Variants in USP34 observed in about 807,000 individuals in gnomAD.
USP34 encodes ubiquitin carboxyl-terminal hydrolase 34.
A neutral mutation model predicts 460.3 loss-of-function variants in USP34; 70 were observed. That is an observed-to-expected ratio of 0.15 (90% CI 0.13 to 0.19). The LOEUF is 0.19. Ranked by LOEUF, USP34 falls within the 10% of genes least tolerant of loss-of-function variation. The pLI is 1.00. For synonymous variants in USP34, 1,647 were observed against 1,405.3 expected, an observed-to-expected ratio of 1.17 and a Z score of -3.85; for missense variants, 3,985 against 4,236.2, an observed-to-expected ratio of 0.94 and a Z score of 1.65.
chr2:61,429,441 C>T (rs1169934901), intron 1 of USP34, among the ~76,000 whole-genome samples: 1 of 151,886 alleles, frequency 6.6e-6, no homozygotes, highest in East Asian at 1.9e-4. Context: ...AGCGAGACTC[C>T]GTCTCAAAAA....
At chr2:61,351,263 C>G (rs1691934975) in intron 10 of USP34, among the ~76,000 whole-genome samples, 1 of 151,976 alleles carries the variant, frequency 6.6e-6, no homozygotes, top group South Asian at 2.1e-4. Flanking sequence ...CACAGGTGTG[C>G]CAGATTTGTT....
At chr2:61,470,539 C>CGCCCG (rs1227023256) in intron 1 of USP34, 111 bp downstream of exon 1, 3 of 612,590 alleles carry the variant, frequency 4.9e-6, no homozygotes, top group East Asian at 9.0e-5. Flanking sequence ...GCCCGCACGC[C>CGCCCG]GCCCGGCCCG....
intron 79 of USP34, 75 bp downstream of exon 79, chr2:61,188,835 C>T (rs1686531555): frequency 1.3e-6 from 2 of 1,584,936 alleles, no homozygotes; most frequent in African/African-American, 1.4e-5. Flanking sequence ...ACACACAACT[C>T]TTAAACCAGT....
At chr2:61,469,213 A>C (rs1156237226) in intron 1 of USP34, among the ~76,000 whole-genome samples, 1 of 152,186 alleles carries the variant, frequency 6.6e-6, no homozygotes, top group African/African-American at 2.4e-5. Flanking sequence ...GTCTCAAGAA[A>C]AAAAAAAGAT....
intron 21 of USP34, among the ~76,000 whole-genome samples, chr2:61,321,005 C>G (rs181176862): frequency 3.3e-5 from 5 of 151,354 alleles, no homozygotes; most frequent in African/African-American, 4.9e-5. Context: ...AGCAAGACTC[C>G]GTGTCAAAAA....
intron 30 of USP34, 29 bp from the exon 31 acceptor site, chr2:61,295,319 C>A (rs753731756): frequency 1.3e-6 from 2 of 1,563,868 alleles, no homozygotes; most frequent in Non-Finnish European, 1.7e-6. Flanking sequence ...GTTTCTCAAG[C>A]CAACTTACTC....
chr2:61,324,665 G>A (rs1346708584), intron 21 of USP34, among the ~76,000 whole-genome samples: 2 of 151,996 alleles, frequency 1.3e-5, no homozygotes, highest in Non-Finnish European at 1.5e-5. Flanking sequence ...CGTTACTGAG[G>A]AGGCTAAGGT....
chr2:61,470,743 C>G lies in USP34; in HGVS notation c.-51G>C, dbSNP rs780289228. On this transcript the variant is annotated 5_prime_UTR_variant, in exon 1 of 80. Coordinates refer to ENST00000398571, the MANE Select transcript of USP34 (RefSeq NM_014709.4). ...CCCGCTTCGGATCACACTGACTGATCCCGACCGGCGGGGGGGAGGGGAGAG... is the reference window on the plus strand; with the variant it reads ...CCCGCTTCGGATCACACTGACTGATGCCGACCGGCGGGGGGGAGGGGAGAG... 2.6e-6 allele frequency: 4 copies of G among 1,529,742 alleles called. No individual in the cohort carries two copies. The highest frequency in any genetic ancestry group is 1.2e-5 in the South Asian group (1 of 86,424). The allele number at this position is 1,529,742 out of a possible 1,614,324, so 94.8% of individuals were successfully genotyped here.
rs372737703 is a variant in USP34, at chr2:61,348,223, A to G, written c.1932T>C (p.Asn644=). Residue 644 remains asparagine, a synonymous_variant, in exon 15 of 80, where the codon AAT becomes AAC. Transcript: ENST00000398571. ...PKSSCGTDLR[N]RKLESQAGIC... ...TGCCTGCTTGACTCTCTAACTTTCTATTCCGAAGATCTGTACCACAACTGC... is the reference window on the plus strand; with the variant it reads ...TGCCTGCTTGACTCTCTAACTTTCTGTTCCGAAGATCTGTACCACAACTGC... 170 of 1,614,028 alleles carry G rather than the reference A, an allele frequency of 1.1e-4. No homozygotes were observed. The highest frequency in any genetic ancestry group is 1.3e-4 in the Non-Finnish European group (157 of 1,180,016).
chr2:61,261,268 A>G (rs1466871669), intron 43 of USP34, among the ~76,000 whole-genome samples: 3 of 152,244 alleles, frequency 2.0e-5, no homozygotes, highest in Non-Finnish European at 4.4e-5. Context: ...GTATCCACTG[A>G]TAAGTGAAAG....
At chr2:61,207,098 GT>G (rs1356650681) in intron 70 of USP34, 9 of 474,766 alleles carry the variant, frequency 1.9e-5, no homozygotes, top group African/African-American at 1.8e-4. Context: ...GCTATTTTGT[GT>G]GTATATTCTA....
intron 2 of USP34, among the ~76,000 whole-genome samples, chr2:61,411,297 G>A (rs1278047242): frequency 6.6e-6 from 1 of 151,332 alleles, no homozygotes; most frequent in Non-Finnish European, 1.5e-5. Context: ...TAAGAGGATT[G>A]CTTGACTCTA....
chr2:61,266,122 G>A lies in USP34; in HGVS notation c.5479C>T (p.Leu1827=). 1 of 1,613,372 alleles carries A rather than the reference G, an allele frequency of 6.2e-7. No individual in the cohort carries two copies. The highest frequency in any genetic ancestry group is 2.2e-5 in the East Asian group (1 of 44,858). ...CACTTTGGCTGTTGTCGGTCCTTTA[G>A]ACTTGGCAACAAAAACAGGAGATTG... ...IFNLLFLLPS[L]KDRQQPKCKS... is the part of the protein sequence containing the mutation. Residue 1827 remains leucine (L), a synonymous_variant, in exon 42 of 80, where the codon CTA becomes TTA. Transcript: ENST00000398571.
intron 1 of USP34, among the ~76,000 whole-genome samples, chr2:61,451,511 C>T (rs577025195): frequency 9.2e-5 from 14 of 151,772 alleles, no homozygotes; most frequent in East Asian, 3.9e-4. Flanking sequence ...AGAGAAACCC[C>T]GTCTCTACTA....
rs753592560 is a variant in USP34, at chr2:61,265,577, G to GA, written c.5618-21dup. The GA allele has an allele frequency of 6.3e-7, 1 of 1,575,660 alleles. No homozygotes were observed. The highest frequency in any genetic ancestry group is 1.2e-5 in the South Asian group (1 of 84,010). ...CATGGGCTGCTGAAGAAAGAGGGAG[G>GA]AAAAGATCCCCCCCAAACAAACTAT... On this transcript the variant is annotated intron_variant, in intron 42 of 79. Transcript: ENST00000398571.
At chr2:61,433,274 G>C (rs1175903778) in intron 1 of USP34, among the ~76,000 whole-genome samples, 5 of 152,118 alleles carry the variant, frequency 3.3e-5, no homozygotes, top group African/African-American at 1.2e-4. Context: ...CTGATGCAGG[G>C]AAAAAGTAAG....
At chr2:61,361,853 A>T (rs1692284011) in intron 10 of USP34, among the ~76,000 whole-genome samples, 1 of 152,198 alleles carries the variant, frequency 6.6e-6, no homozygotes, top group African/African-American at 2.4e-5. Flanking sequence ...ACAGCAAAGG[A>T]AACAACAGAG....
rs1281884529 is a variant in USP34 at position 61,311,568 on chromosome 2, A to C, written c.3789T>G (p.Gly1263=). The C allele has an allele frequency of 1.2e-6, 2 of 1,608,644 alleles. No homozygotes were observed. The highest frequency in any genetic ancestry group is 3.4e-5 in the Admixed American group (2 of 59,078). The change falls in exon 27 of 80, where the codon GGT becomes GGG. Residue 1263 remains glycine (G), a synonymous_variant. Coordinates refer to ENST00000398571, the MANE Select transcript of USP34 (RefSeq NM_014709.4). ...GAAACTCTCCTTTTCGGTTGCTTTG[A>C]CCAAACTCCTGAAGCTGAGCTTGTT... is the stretch of plus-strand genomic sequence containing the variant. ...INQQAQLQEF[G]QSNRKGEFPG...
At chr2:61,361,960 T>C (rs969163408) in intron 10 of USP34, among the ~76,000 whole-genome samples, 6 of 151,634 alleles carry the variant, frequency 4.0e-5, no homozygotes, top group African/African-American at 1.5e-4. Flanking sequence ...TACAACTCAA[T>C]AGCAAAAAAA....
Sources: gnomAD v4.1 joint callset for allele counts (sites outside exome capture counted in the v4.1 genomes callset) on GRCh38, gnomAD v4.1.1 for gene constraint, MANE v1.5 for transcripts, NCBI Gene and HGNC (gene_info 2026-07-23, HGNC 2026-07-21) for gene names.